TRPC4AP: variants seen among roughly 807,000 people sequenced by gnomAD.
TRPC4AP encodes the protein transient receptor potential cation channel subfamily C member 4 associated protein.
Under a neutral mutation model 99.0 loss-of-function variants are expected in TRPC4AP, and 45 were observed. The ratio of observed to expected loss-of-function variants is 0.45; its 90% CI spans 0.36 to 0.58. The LOEUF (loss-of-function observed/expected upper bound fraction) is 0.58. Among genes scored for constraint, TRPC4AP ranks in the 20% least tolerant of loss-of-function variants. The pLI is 0.00. For synonymous variants in TRPC4AP, 408 were observed against 385.8 expected (o/e 1.06, Z -0.67); for missense variants, 879 against 985.3 (o/e 0.89, Z 1.44).
chr20:35,047,858 T>A (rs1324635241), intron 6 of TRPC4AP, among the ~76,000 whole-genome samples: 5 of 152,120 alleles, frequency 3.3e-5, no homozygotes, highest in African/African-American at 1.2e-4. Flanking sequence ...AGGTTATAGG[T>A]AACCCATGGC....
At chr20:35,014,316 T>TTTC (rs2082703229) in intron 10 of TRPC4AP, among the ~76,000 whole-genome samples, 2 of 139,788 alleles carry the variant, frequency 1.4e-5, no homozygotes, top group Non-Finnish European at 3.1e-5. Context: ...CAGGCAGAAT[T>TTTC]TTTTTTTTTT....
chr20:35,079,208 C>A (rs1420619113), intron 1 of TRPC4AP, among the ~76,000 whole-genome samples: 1 of 152,100 alleles, frequency 6.6e-6, no homozygotes, highest in African/African-American at 2.4e-5. Context: ...GGGGTTAATT[C>A]TCCAAGAAGA....
chr20:35,073,950 T>C (rs1469609780), intron 2 of TRPC4AP, among the ~76,000 whole-genome samples: 1 of 152,222 alleles, frequency 6.6e-6, no homozygotes, highest in Non-Finnish European at 1.5e-5. Context: ...CTTCAGAGCC[T>C]GTTATTGGTC....
At position 35,003,101 on chromosome 20, in the gene TRPC4AP, G is replaced by A. The variant is rs373376388; in HGVS notation, c.*45C>T. 1.9e-5 allele frequency: 31 copies of A among 1,610,350 alleles called. No homozygotes were observed. Among genetic ancestry groups the A allele is most frequent in the East Asian group, 6.7e-5 (3 of 44,870 alleles). On this transcript the variant is annotated 3_prime_UTR_variant, in exon 19 of 19. Transcript: ENST00000252015. ...GCAGGGCGTGTGGCATCGTACCCAC[G>A]CTCACCCACACTGGCCCAGCAGCCT...
chr20:35,019,145 GCCAAGGAAACCCTT>G (rs1310785510), intron 9 of TRPC4AP, among the ~76,000 whole-genome samples: 5 of 152,148 alleles, frequency 3.3e-5, no homozygotes, highest in Admixed American at 1.3e-4. Context: ...GTGAGGCCTG[GCCAAGGAAACCCTT>G]CCCCTTGCTA....
At chr20:35,056,541 TTA>T (rs2083829742) in intron 4 of TRPC4AP, among the ~76,000 whole-genome samples, 1 of 152,090 alleles carries the variant, frequency 6.6e-6, no homozygotes, top group African/African-American at 2.4e-5. Context: ...AAATGAGGCC[TTA>T]TACAGTATGT....
intron 7 of TRPC4AP, among the ~76,000 whole-genome samples, chr20:35,040,787 T>C (rs142916187): frequency 1.3e-5 from 2 of 152,212 alleles, no homozygotes; most frequent in Non-Finnish European, 2.9e-5. Context: ...GCAGATGGCT[T>C]ATCATGGGAC....
intron 11 of TRPC4AP, among the ~76,000 whole-genome samples, chr20:35,011,031 CG>C (rs1372046251): frequency 6.6e-6 from 1 of 152,128 alleles, no homozygotes; most frequent in African/African-American, 2.4e-5. Context: ...AAGGTCCAGG[CG>C]GGTGGATCAC....
At chr20:35,019,403 C>G (rs1042336683) in intron 9 of TRPC4AP, among the ~76,000 whole-genome samples, 2 of 152,168 alleles carry the variant, frequency 1.3e-5, no homozygotes, top group South Asian at 2.1e-4. Flanking sequence ...GCTCAGGGAA[C>G]AGAGAACTGC....
intron 17 of TRPC4AP, 34 bp from the exon 18 acceptor site, chr20:35,003,650 G>A: frequency 1.3e-6 from 2 of 1,595,818 alleles, no homozygotes; most frequent in South Asian, 2.2e-5. Context: ...GTCAGGGGCT[G>A]GTGGGAGCCC....
intron 1 of TRPC4AP, 37 bp downstream of exon 1, chr20:35,092,577 T>TCCCCC: frequency 7.0e-7 from 1 of 1,426,522 alleles, no homozygotes; most frequent in Non-Finnish European, 9.1e-7. Flanking sequence ...TCCCGCCTGG[T>TCCCCC]CCGCCCCGCC....
intron 8 of TRPC4AP, among the ~76,000 whole-genome samples, chr20:35,025,601 G>C (rs2083010094): frequency 6.6e-6 from 1 of 151,956 alleles, no homozygotes; most frequent in African/African-American, 2.4e-5. Flanking sequence ...ATTTTGAAAT[G>C]GGTTTTTTTA....
At position 35,035,103 on chromosome 20, in the gene TRPC4AP, G is replaced by A. The variant is rs770061332; in HGVS notation, c.1051+20C>T. On this transcript the variant is annotated intron_variant, in intron 8 of 18. Coordinates refer to ENST00000252015, the MANE Select transcript of TRPC4AP (RefSeq NM_015638.3). ...CCAAGGAAAAGCTCCCGATCACTCAGGGGACCCATCCTTCCATACCTTGAT... is the reference window on the plus strand; with the variant it reads ...CCAAGGAAAAGCTCCCGATCACTCAAGGGACCCATCCTTCCATACCTTGAT... 9 of 1,606,352 alleles carry A rather than the reference G, an allele frequency of 5.6e-6. No individual in the cohort carries two copies. In the African/African-American group the frequency reaches 6.7e-5, roughly 12 times the overall value.
At chr20:35,028,815 T>C (rs2083094356) in intron 8 of TRPC4AP, among the ~76,000 whole-genome samples, 1 of 152,240 alleles carries the variant, frequency 6.6e-6, no homozygotes, top group African/African-American at 2.4e-5. Flanking sequence ...TTCCAATCTG[T>C]TAGTTTTTGC....
At chr20:35,068,449 G>T (rs1401509664) in intron 3 of TRPC4AP, among the ~76,000 whole-genome samples, 2 of 152,172 alleles carry the variant, frequency 1.3e-5, no homozygotes, top group Non-Finnish European at 2.9e-5. Flanking sequence ...GTCTGTAAGA[G>T]AAATGGTGTG....
chr20:35,035,382 C>T (rs2083295249), intron 7 of TRPC4AP, 74 bp from the exon 8 acceptor site: 4 of 1,445,614 alleles, frequency 2.8e-6, no homozygotes, highest in Non-Finnish European at 3.8e-6. Context: ...CCCTAACAAA[C>T]AATCTGCATG....
At position 35,080,013 on chromosome 20, in the gene TRPC4AP, T is replaced by TAA. The variant is rs71196785; in HGVS notation, c.169-1841_169-1840dup. Among the ~76,000 whole-genome samples the TAA allele has an allele frequency of 4.4e-3, 409 of 93,832 alleles. 13 individuals are homozygous for TAA. Among genetic ancestry groups the TAA allele is most frequent in the African/African-American group, 0.011 (252 of 23,288 alleles). The allele number at this position is 93,832 out of a possible 152,430, so 61.6% of individuals were successfully genotyped here. A position where few individuals can be genotyped will look rare whatever the true frequency, so the allele number is the denominator to read the frequency against. ...CTCCAGCCTGGGTGACAGAGCAAGA[T>TAA]AAAAAAAAAAAAAAAAAAAGACATC... On this transcript the variant is annotated intron_variant, in intron 1 of 18. Transcript: ENST00000252015.
At chr20:35,032,572 C>G (rs1451772453) in intron 8 of TRPC4AP, among the ~76,000 whole-genome samples, 1 of 149,572 alleles carries the variant, frequency 6.7e-6, no homozygotes, top group South Asian at 2.1e-4. Context: ...CCCAGGTTCT[C>G]GCCATTCTCC....
intron 1 of TRPC4AP, 34 bp from the exon 2 acceptor site, chr20:35,078,208 T>C (rs377000827): frequency 6.2e-7 from 1 of 1,603,454 alleles, no homozygotes; most frequent in East Asian, 2.2e-5. Flanking sequence ...CATATTATTG[T>C]ATTATTGATG....
Sources: allele counts gnomAD v4.1 joint callset (sites outside exome capture counted in the v4.1 genomes callset), GRCh38; gene constraint gnomAD v4.1.1; transcripts MANE v1.5; gene names NCBI Gene and HGNC (gene_info 2026-07-23, HGNC 2026-07-21).